DCDC1: variants seen among roughly 807,000 people sequenced by gnomAD.
DCDC1 encodes doublecortin domain containing 1, also known as doublecortin domain-containing protein 1.
A neutral mutation model predicts 178.3 loss-of-function variants in DCDC1; 200 were observed. The observed-to-expected ratio is 1.12, with a 90% CI of 1.00 to 1.26. DCDC1 has a LOEUF of 1.26. Ranked by LOEUF, DCDC1 falls within the 50% of genes most tolerant of loss-of-function variation. The pLI, the probability that DCDC1 is intolerant of heterozygous loss-of-function variation, is 0.00. For synonymous variants in DCDC1, 690 were observed against 604.8 expected (o/e 1.14, Z -2.07); for missense variants, 1,983 against 1,749.2 (o/e 1.13, Z -2.38).
intron 2 of DCDC1, among the ~76,000 whole-genome samples, chr11:31,330,781 T>C (rs923556311): frequency 6.6e-6 from 1 of 152,228 alleles, no homozygotes; most frequent in Non-Finnish European, 1.5e-5. Context: ...ACCAGTACCA[T>C]GCTGTTTTGG....
At chr11:31,182,120 G>A (rs1267157962) in intron 9 of DCDC1, among the ~76,000 whole-genome samples, 1 of 152,180 alleles carries the variant, frequency 6.6e-6, no homozygotes, top group Admixed American at 6.5e-5. Flanking sequence ...CGTTTGATTG[G>A]TATACTTGAA....
At chr11:31,237,218 C>A (rs1309341948) in intron 9 of DCDC1, among the ~76,000 whole-genome samples, 1 of 151,760 alleles carries the variant, frequency 6.6e-6, no homozygotes, top group Admixed American at 6.6e-5. Flanking sequence ...ATTTTTTAAA[C>A]AAAATCTAAG....
chr11:31,301,759 T>G (rs935495590), intron 6 of DCDC1, among the ~76,000 whole-genome samples: 2 of 152,186 alleles, frequency 1.3e-5, no homozygotes, highest in African/African-American at 4.8e-5. Context: ...CACTGACACT[T>G]CTACATGAAA....
intron 9 of DCDC1, among the ~76,000 whole-genome samples, chr11:31,229,588 T>G (rs1975491942): frequency 2.0e-5 from 3 of 152,120 alleles, no homozygotes. Flanking sequence ...TAATCAGACA[T>G]GAGACCCACA....
chr11:31,032,210 T>C (rs1215833591), intron 20 of DCDC1, among the ~76,000 whole-genome samples: 1 of 152,150 alleles, frequency 6.6e-6, no homozygotes, highest in African/African-American at 2.4e-5. Flanking sequence ...TCTCAGGATC[T>C]AAATGAACTC....
Position 30,897,508 on chromosome 11 carries a change from G to A in DCDC1, c.4765+2033C>T, listed in dbSNP as rs187865871. Among the ~76,000 whole-genome samples the A allele has an allele frequency of 5.5e-4, 82 of 150,280 alleles. 2 individuals carry two copies. In the East Asian group the frequency reaches 0.015, roughly 28 times the overall value. On this transcript the variant is annotated intron_variant, in intron 34 of 38. Transcript: ENST00000684477. Reference sequence around the variant, plus strand: ...TGAGACAGGAGAATGGCGTGAACCCGGGAGGCGGAGCTTGCAGTGAGCTGA... The same window carrying A: ...TGAGACAGGAGAATGGCGTGAACCCAGGAGGCGGAGCTTGCAGTGAGCTGA...
At chr11:30,871,395 G>A (rs1941541719) in intron 38 of DCDC1, among the ~76,000 whole-genome samples, 2 of 152,104 alleles carry the variant, frequency 1.3e-5, no homozygotes, top group Admixed American at 1.3e-4. Context: ...GGGCTTTCCT[G>A]TGCTTCCTCT....
chr11:30,967,759 T>A (rs1949523309), intron 20 of DCDC1, among the ~76,000 whole-genome samples: 2 of 152,160 alleles, frequency 1.3e-5, no homozygotes, highest in Admixed American at 1.3e-4. Context: ...AAACAGCTCT[T>A]AAAGTCTATA....
Position 30,864,898 on chromosome 11 carries a change from C to T in DCDC1, c.*475G>A, listed in dbSNP as rs1940852901. 1 of 152,112 alleles carries T rather than the reference C, an allele frequency of 6.6e-6. No individual in the cohort carries two copies. The highest frequency in any genetic ancestry group is 1.5e-5 in the Non-Finnish European group (1 of 68,016). 9.4% of individuals were successfully genotyped at this position (152,112 alleles called of 1,614,324 possible). ...TTTATGGATATATTGTCTCATTTTT[C>T]AATGTTCATTCTTCAAAATAGGCCC... On this transcript the variant is annotated 3_prime_UTR_variant, in exon 39 of 39. Transcript: ENST00000684477.
chr11:30,993,708 T>TA (rs1450334522), intron 20 of DCDC1, among the ~76,000 whole-genome samples: 4 of 152,078 alleles, frequency 2.6e-5, no homozygotes, highest in Admixed American at 2.0e-4. Context: ...TATGACAAAT[T>TA]AAAATATAAC....
chr11:30,974,710 CA>C (rs1362337991), intron 20 of DCDC1, among the ~76,000 whole-genome samples: 1 of 152,054 alleles, frequency 6.6e-6, no homozygotes, highest in Non-Finnish European at 1.5e-5. Context: ...GAGTTTCAAT[CA>C]GTAACAAAAA....
intron 20 of DCDC1, among the ~76,000 whole-genome samples, chr11:30,954,310 C>A (rs1948639997): frequency 1.3e-5 from 2 of 152,172 alleles, no homozygotes; most frequent in African/African-American, 4.8e-5. Context: ...CCACCACGCC[C>A]AGCCTAAATA....
intron 26 of DCDC1, among the ~76,000 whole-genome samples, chr11:30,916,595 G>C (rs1321494420): frequency 6.6e-6 from 1 of 152,110 alleles, no homozygotes; most frequent in African/African-American, 2.4e-5. Flanking sequence ...TCTGTGCTAA[G>C]TTGTCAGGAG....
intron 26 of DCDC1, among the ~76,000 whole-genome samples, chr11:30,916,536 A>G (rs11031242): frequency 0.48 from 72,618 of 151,954 alleles, 18,596 homozygotes; most frequent in Middle Eastern, 0.6. Flanking sequence ...GGCATCTTAA[A>G]TGCTTATTCA....
chr11:31,169,075 C>T (rs567407080), intron 9 of DCDC1, among the ~76,000 whole-genome samples: 117 of 152,252 alleles, frequency 7.7e-4, no homozygotes, highest in Admixed American at 2.6e-3. Context: ...GAGATTATGT[C>T]CTTTGCAGGG....
At chr11:30,866,091 G>T (rs1264415850) in intron 38 of DCDC1, among the ~76,000 whole-genome samples, 1 of 152,106 alleles carries the variant, frequency 6.6e-6, no homozygotes, top group East Asian at 1.9e-4. Context: ...TATCACTGAT[G>T]TCCTTACAAC....
At chr11:31,327,394 T>C (rs1949705509) in intron 3 of DCDC1, among the ~76,000 whole-genome samples, 1 of 152,036 alleles carries the variant, frequency 6.6e-6, no homozygotes. Flanking sequence ...GGTCTCAAAC[T>C]CCCGACCTCA....
At chr11:30,994,719 T>TTA (rs1951163712) in intron 20 of DCDC1, among the ~76,000 whole-genome samples, 1 of 144,516 alleles carries the variant, frequency 6.9e-6, no homozygotes, top group Non-Finnish European at 1.5e-5. Context: ...ATAGTATATG[T>TTA]TATAATATAT....
At chr11:31,117,785 G>C (rs569664135) in intron 11 of DCDC1, among the ~76,000 whole-genome samples, 14 of 151,662 alleles carry the variant, frequency 9.2e-5, no homozygotes, top group African/African-American at 3.4e-4. Flanking sequence ...CTTTCCAGAA[G>C]ACAGTGGCAA....
Sources: allele counts gnomAD v4.1 joint callset (sites outside exome capture counted in the v4.1 genomes callset), GRCh38; gene constraint gnomAD v4.1.1; transcripts MANE v1.5; gene names NCBI Gene and HGNC (gene_info 2026-07-23, HGNC 2026-07-21).